The following SNTB2 variants were observed in gnomAD, a reference collection of about 807,000 sequenced individuals.
The protein encoded by SNTB2 is beta-2-syntrophin.
A neutral mutation model predicts 46.2 loss-of-function variants in SNTB2; 34 were observed. That is an observed-to-expected ratio of 0.74 (90% CI 0.56 to 0.98). The LOEUF is 0.98. Among genes scored for constraint, SNTB2 ranks in the 50% least tolerant of loss-of-function variants. The pLI is 0.00. For synonymous variants in SNTB2, 290 were observed against 312.6 expected (o/e 0.93, Z 0.76); for missense variants, 603 against 731.4 (o/e 0.82, Z 2.02).
intron 1 of SNTB2, among the ~76,000 whole-genome samples, chr16:69,216,521 A>G (rs1003313664): frequency 1.3e-5 from 2 of 151,234 alleles, no homozygotes; most frequent in Admixed American, 1.3e-4. Context: ...CACCTCTACA[A>G]TTAAAAAAAA....
At chr16:69,256,369 A>C (rs1964776314) in intron 2 of SNTB2, among the ~76,000 whole-genome samples, 1 of 152,092 alleles carries the variant, frequency 6.6e-6, no homozygotes, top group East Asian at 1.9e-4. Context: ...TTTCTTAATC[A>C]TTTTTAAGTG....
At chr16:69,243,819 G>A (rs1163327270) in intron 1 of SNTB2, among the ~76,000 whole-genome samples, 1 of 152,096 alleles carries the variant, frequency 6.6e-6, no homozygotes, top group African/African-American at 2.4e-5. Context: ...CCAGAAGCAC[G>A]TGTATTATAA....
chr16:69,263,903 C>G (rs1312045184), intron 3 of SNTB2, among the ~76,000 whole-genome samples: 1 of 150,126 alleles, frequency 6.7e-6, no homozygotes, highest in Non-Finnish European at 1.5e-5. Flanking sequence ...CACTCTGTTG[C>G]CCAGAGTCTC....
intron 1 of SNTB2, among the ~76,000 whole-genome samples, chr16:69,205,190 C>T (rs563282203): frequency 6.6e-6 from 1 of 150,694 alleles, no homozygotes; most frequent in East Asian, 1.9e-4. Flanking sequence ...TGCTCTGTCA[C>T]CCAGGCTGGA....
At chr16:69,285,280 T>G (rs914249515) in intron 5 of SNTB2, among the ~76,000 whole-genome samples, 1 of 152,020 alleles carries the variant, frequency 6.6e-6, no homozygotes, top group African/African-American at 2.4e-5. Context: ...AGCAAAGTTT[T>G]TTTAAGCCTG....
Position 69,226,664 on chromosome 16 carries a change from G to C in SNTB2, c.581-18938G>C, listed in dbSNP as rs190965583. ...CCCACGTCAGTGTCCTGAGTTGCTG[G>C]GACTACAAGCATATGCCACCACATC... On this transcript the variant is annotated intron_variant, in intron 1 of 6. Coordinates refer to ENST00000336278, the MANE Select transcript of SNTB2 (RefSeq NM_006750.4). 4.6e-5 allele frequency among the ~76,000 whole-genome samples: 7 copies of C among 152,198 alleles called. No homozygotes were observed. The East Asian group carries it at 1.2e-3, about 25-fold the overall frequency.
At chr16:69,250,151 C>T (rs559761201) in intron 2 of SNTB2, among the ~76,000 whole-genome samples, 1 of 152,248 alleles carries the variant, frequency 6.6e-6, no homozygotes, top group East Asian at 1.9e-4. Flanking sequence ...GGAAGAGATT[C>T]AAGGTTATTC....
At chr16:69,206,025 TTGCTCTGTCTACCCTG>T (rs2152290920) in intron 1 of SNTB2, among the ~76,000 whole-genome samples, 1 of 152,296 alleles carries the variant, frequency 6.6e-6, no homozygotes, top group East Asian at 1.9e-4. Flanking sequence ...AGGCTGGGCC[TTGCTCTGTCTACCCTG>T]GCTGGAGTGC....
At chr16:69,280,921 G>A (rs1185848769) in intron 4 of SNTB2, among the ~76,000 whole-genome samples, 2 of 150,804 alleles carry the variant, frequency 1.3e-5, no homozygotes, top group Admixed American at 1.3e-4. Flanking sequence ...CCTCAGCTTC[G>A]CGAGTAGCTG....
At chr16:69,223,152 G>T (rs1051275795) in intron 1 of SNTB2, among the ~76,000 whole-genome samples, 1 of 150,672 alleles carries the variant, frequency 6.6e-6, no homozygotes, top group South Asian at 2.1e-4. Context: ...CAGTTTCCCC[G>T]AATGTTAACA....
intron 1 of SNTB2, among the ~76,000 whole-genome samples, chr16:69,233,582 G>A (rs571076542): frequency 1.4e-4 from 22 of 152,246 alleles, no homozygotes; most frequent in African/African-American, 5.1e-4. Context: ...AGATTTTAGG[G>A]GGGAGGAATT....
chr16:69,277,216 A>G (rs1005759648), intron 4 of SNTB2, among the ~76,000 whole-genome samples: 1 of 152,252 alleles, frequency 6.6e-6, no homozygotes, highest in Non-Finnish European at 1.5e-5. Flanking sequence ...TTTGTTGCCA[A>G]TGATAAAATT....
intron 2 of SNTB2, among the ~76,000 whole-genome samples, chr16:69,249,321 C>T (rs961412260): frequency 3.3e-5 from 5 of 152,036 alleles, no homozygotes; most frequent in South Asian, 2.1e-4. Context: ...CCACCGCTCC[C>T]GGCCATAAAT....
In SNTB2 at chr16:69,288,123, G is replaced by A. The variant is rs75444004; in HGVS notation, c.1345+3879G>A. Among the ~76,000 whole-genome samples, 726 of 152,284 alleles carry A rather than the reference G, an allele frequency of 4.8e-3. 32 individuals are homozygous for A. The South Asian group carries it at 0.091, about 19-fold the overall frequency. On this transcript the variant is annotated intron_variant, in intron 5 of 6. Transcript: ENST00000336278. The stretch of plus-strand genomic sequence containing the variant: ...ATGCTCTGTGTTCCTGTGGGCAGTC[G>A]AGGGGTCAGGCCAACACATTCATGC...
In SNTB2 at chr16:69,263,308, CTGTGT is replaced by C. The variant is rs576688477; in HGVS notation, c.1005+3051_1005+3055del. ...TATTTTTTGTAGAGATAGGATCTCA[CTGTGT>C]TGCCCAGGCTGGTCTCAAACTCCTG... On this transcript the variant is annotated intron_variant, in intron 3 of 6. Coordinates refer to ENST00000336278, the MANE Select transcript of SNTB2 (RefSeq NM_006750.4). 1.5e-4 allele frequency among the ~76,000 whole-genome samples: 23 copies of C among 152,150 alleles called. No individual in the cohort carries two copies. In the East Asian group the frequency reaches 3.9e-3, roughly 26 times the overall value.
chr16:69,194,599 T>C (rs1239774459), intron 1 of SNTB2, among the ~76,000 whole-genome samples: 6 of 152,182 alleles, frequency 3.9e-5, no homozygotes, highest in Non-Finnish European at 5.9e-5. Context: ...ACTGATGTCT[T>C]TGTAATATCT....
chr16:69,267,296 C>T (rs1238243982), intron 3 of SNTB2, among the ~76,000 whole-genome samples: 1 of 152,108 alleles, frequency 6.6e-6, no homozygotes, highest in Middle Eastern at 3.2e-3. Context: ...GGATTACAGG[C>T]GTGAGCTACC....
In SNTB2 at chr16:69,304,004, C is replaced by G. The variant is rs1001980650; in HGVS notation, c.*3080C>G. ...GACTGCTTCCTGTGCCCCCCAGACC[C>G]GGGGCTTCGACAGCTTCTCCACATT... is the stretch of plus-strand genomic sequence containing the variant. On this transcript the variant is annotated 3_prime_UTR_variant, in exon 7 of 7. Transcript: ENST00000336278. 6.6e-6 allele frequency: 1 copy of G among 152,270 alleles called. No individual in the cohort carries two copies. The highest frequency in any genetic ancestry group is 6.5e-5 in the Admixed American group (1 of 15,300). 9.4% of individuals were successfully genotyped at this position (152,270 alleles called of 1,614,324 possible). A position where few individuals can be genotyped will look rare whatever the true frequency, so the allele number is the denominator to read the frequency against.
chr16:69,263,321 G>C (rs575019121), intron 3 of SNTB2, among the ~76,000 whole-genome samples: 1 of 151,956 alleles, frequency 6.6e-6, no homozygotes, highest in African/African-American at 2.4e-5. Context: ...TGTTGCCCAG[G>C]CTGGTCTCAA....
Sources: gnomAD v4.1 joint callset for allele counts (sites outside exome capture counted in the v4.1 genomes callset) on GRCh38, gnomAD v4.1.1 for gene constraint, MANE v1.5 for transcripts, NCBI Gene and HGNC (gene_info 2026-07-23, HGNC 2026-07-21) for gene names.